FSTL4: variants seen among roughly 807,000 people sequenced by gnomAD.
The protein encoded by FSTL4 is follistatin-related protein 4.
In FSTL4, 28 loss-of-function variants were observed where a neutral mutation model predicts 78.2. The ratio of observed to expected loss-of-function variants is 0.36; its 90% confidence interval spans 0.27 to 0.49. The LOEUF is 0.49. FSTL4 is among the 20% of genes least tolerant of loss of function. The pLI, the probability that FSTL4 is intolerant of heterozygous loss-of-function variation, is 0.98. For missense variants in FSTL4, 922 were observed against 1,084.9 expected (o/e 0.85, Z 2.11); for synonymous variants, 422 against 440.5 (o/e 0.96, Z 0.53).
chr5:133,392,676 C>T (rs1755879104), intron 4 of FSTL4, among the ~76,000 whole-genome samples: 1 of 152,270 alleles, frequency 6.6e-6, no homozygotes, highest in Admixed American at 6.5e-5. Context: ...GCTGGGACAA[C>T]AGCTTGCTCC....
chr5:133,755,901 G>A, the FSTL4 span, among the ~76,000 whole-genome samples: 3 of 152,152 alleles, frequency 2.0e-5, no homozygotes, highest in African/African-American at 7.2e-5. Flanking sequence ...CAGCTGTTTG[G>A]TCACTGTCAT....
At chr5:133,801,178 T>C in the FSTL4 span, among the ~76,000 whole-genome samples, 2 of 152,142 alleles carry the variant, frequency 1.3e-5, no homozygotes, top group African/African-American at 4.8e-5. Flanking sequence ...ACCCCACACA[T>C]TGGTGCCCAC....
chr5:133,797,200 G>C, the FSTL4 span, among the ~76,000 whole-genome samples: 2 of 152,184 alleles, frequency 1.3e-5, no homozygotes, highest in African/African-American at 2.4e-5. Flanking sequence ...TACAGGCAAA[G>C]ACATAAATCA....
At chr5:133,397,591 C>T (rs1056128216) in intron 4 of FSTL4, among the ~76,000 whole-genome samples, 1 of 152,238 alleles carries the variant, frequency 6.6e-6, no homozygotes, top group African/African-American at 2.4e-5. Context: ...TTCTCCCTTG[C>T]AGGGTGGTGA....
chr5:133,544,556 C>G (rs899801291), intron 3 of FSTL4, among the ~76,000 whole-genome samples: 1 of 152,174 alleles, frequency 6.6e-6, no homozygotes, highest in Non-Finnish European at 1.5e-5. Flanking sequence ...ACGAGATGAG[C>G]ACCACACTCA....
intron 2 of FSTL4, among the ~76,000 whole-genome samples, chr5:133,600,758 C>A (rs923255409): frequency 1.3e-5 from 2 of 152,316 alleles, no homozygotes; most frequent in South Asian, 2.1e-4. Context: ...AAAGGTAAAT[C>A]AAATCTTATT....
At chr5:133,712,046 C>G in the FSTL4 span, among the ~76,000 whole-genome samples, 77 of 152,270 alleles carry the variant, frequency 5.1e-4, no homozygotes, top group Admixed American at 1.7e-3. Context: ...TCTCTCCATC[C>G]CCAGGCCGCC....
chr5:133,432,664 A>T, intron 3 of FSTL4, among the ~76,000 whole-genome samples: 1 of 152,338 alleles, frequency 6.6e-6, no homozygotes, highest in African/African-American at 2.4e-5. Flanking sequence ...TTGGTGGTAA[A>T]CCAAATAGGC....
chr5:133,246,371 C>A (rs1347235634), intron 7 of FSTL4, among the ~76,000 whole-genome samples: 2 of 152,230 alleles, frequency 1.3e-5, no homozygotes, highest in Admixed American at 6.5e-5. Flanking sequence ...CTGGCTTTAG[C>A]CCCCTTCAGC....
At chr5:133,781,662 C>T in the FSTL4 span, among the ~76,000 whole-genome samples, 1 of 152,320 alleles carries the variant, frequency 6.6e-6, no homozygotes, top group African/African-American at 2.4e-5. Flanking sequence ...TGATTCCTGC[C>T]ACACTGTGTG....
intron 3 of FSTL4, among the ~76,000 whole-genome samples, chr5:133,429,081 C>A (rs972799796): frequency 6.6e-6 from 1 of 152,198 alleles, no homozygotes; most frequent in African/African-American, 2.4e-5. Context: ...TTCCATAGAG[C>A]ATTACCCTGT....
chr5:133,459,799 T>A (rs1043217877), intron 3 of FSTL4, among the ~76,000 whole-genome samples: 1 of 152,150 alleles, frequency 6.6e-6, no homozygotes, highest in Non-Finnish European at 1.5e-5. Flanking sequence ...TTGGGTTATC[T>A]TTGATGAACT....
At chr5:133,617,067 G>A (rs149361167), upstream of FSTL4, among the ~76,000 whole-genome samples, 1,216 of 152,242 alleles carry the variant, frequency 8.0e-3, 11 homozygotes, top group Admixed American at 0.014. Context: ...TTGGGAGGCC[G>A]AGGCAGGCGG....
chr5:133,593,657 AC>A (rs1379173405), intron 2 of FSTL4, among the ~76,000 whole-genome samples: 1 of 152,202 alleles, frequency 6.6e-6, no homozygotes, highest in Non-Finnish European at 1.5e-5. Context: ...GTGTCCTGGG[AC>A]CAGGCGTGGG....
At chr5:133,370,127 G>A in intron 4 of FSTL4, among the ~76,000 whole-genome samples, 1 of 152,156 alleles carries the variant, frequency 6.6e-6, no homozygotes, top group Admixed American at 6.5e-5. Flanking sequence ...TGTGGTCATA[G>A]CCCCACAACC....
At chr5:133,423,940 A>G (rs1057162844) in intron 3 of FSTL4, among the ~76,000 whole-genome samples, 4 of 152,176 alleles carry the variant, frequency 2.6e-5, no homozygotes, top group Admixed American at 6.5e-5. Flanking sequence ...GGAGCCCAGC[A>G]TGGAGCTGAG....
chr5:133,557,131 T>A lies in FSTL4; in HGVS notation c.160+10055A>T, dbSNP rs188015875. 5.9e-5 allele frequency among the ~76,000 whole-genome samples: 9 copies of A among 152,270 alleles called. No homozygotes were observed. In the East Asian group the frequency reaches 1.7e-3, roughly 29 times the overall value. On this transcript the variant is annotated intron_variant, in intron 3 of 15. Coordinates refer to ENST00000265342, the MANE Select transcript of FSTL4 (RefSeq NM_015082.2). Reference sequence around the variant, plus strand: ...ACCCAATCGCTGGAGGCAGCTGTGATTTGAAACAACAAAAAAGTGCCCTTT... The same window carrying A: ...ACCCAATCGCTGGAGGCAGCTGTGAATTGAAACAACAAAAAAGTGCCCTTT...
intron 4 of FSTL4, among the ~76,000 whole-genome samples, chr5:133,333,416 C>T (rs73788059): frequency 0.11 from 16,846 of 152,258 alleles, 1,049 homozygotes; most frequent in African/African-American, 0.16. Context: ...TGCTTCCAGC[C>T]TTCCAGCTCT....
the FSTL4 span, among the ~76,000 whole-genome samples, chr5:133,657,075 GT>G: frequency 6.6e-6 from 1 of 152,168 alleles, no homozygotes; most frequent in Non-Finnish European, 1.5e-5. Flanking sequence ...CAGAAGTCAG[GT>G]TTGGACATTT....
Sources: gnomAD v4.1 joint callset for allele counts (sites outside exome capture counted in the v4.1 genomes callset) on GRCh38, gnomAD v4.1.1 for gene constraint, MANE v1.5 for transcripts, NCBI Gene and HGNC (gene_info 2026-07-23, HGNC 2026-07-21) for gene names.